Variants in SPATA12 observed in about 807,000 individuals in gnomAD.
The protein encoded by SPATA12 is spermatogenesis-associated protein 12.
For missense variants in SPATA12, 219 were observed against 226.4 expected, an observed-to-expected ratio of 0.97 and a Z score of 0.21; for synonymous variants, 85 against 89.2, an observed-to-expected ratio of 0.95 and a Z score of 0.26.
At chr3:57,067,783 C>A (rs1371878535) in intron 1 of SPATA12, among the ~76,000 whole-genome samples, 1 of 150,014 alleles carries the variant, frequency 6.7e-6, no homozygotes, top group East Asian at 2.0e-4. Flanking sequence ...AGATCGAGAC[C>A]ATTGGCTAAC....
chr3:57,066,335 C>A (rs1193599518), intron 1 of SPATA12, among the ~76,000 whole-genome samples: 1 of 151,834 alleles, frequency 6.6e-6, no homozygotes, highest in Non-Finnish European at 1.5e-5. Context: ...GATCTTGGCT[C>A]ACCGCAACCT....
chr3:57,068,761 C>G (rs1705705470), intron 1 of SPATA12, among the ~76,000 whole-genome samples: 1 of 152,092 alleles, frequency 6.6e-6, no homozygotes, highest in African/African-American at 2.4e-5. Context: ...AACGTGCTTC[C>G]TTGTTTTGGG....
chr3:57,068,487 T>G (rs2171504), intron 1 of SPATA12, among the ~76,000 whole-genome samples: 4,293 of 152,316 alleles, frequency 0.028, 79 homozygotes, highest in South Asian at 0.052. Flanking sequence ...GGCAATCATT[T>G]AAATAATTTC....
chr3:57,071,487 C>A (rs1489183335), intron 1 of SPATA12, among the ~76,000 whole-genome samples: 7 of 151,914 alleles, frequency 4.6e-5, no homozygotes, highest in African/African-American at 1.7e-4. Context: ...TGGTGAAACC[C>A]CGTCTCTACT....
intron 1 of SPATA12, among the ~76,000 whole-genome samples, chr3:57,062,621 G>A (rs1021014957): frequency 6.6e-6 from 1 of 152,176 alleles, no homozygotes; most frequent in African/African-American, 2.4e-5. Context: ...TAGCCACTCA[G>A]CAAAACACTA....
At chr3:57,072,232 T>C (rs189973394) in intron 1 of SPATA12, among the ~76,000 whole-genome samples, 1 of 152,250 alleles carries the variant, frequency 6.6e-6, no homozygotes, top group Non-Finnish European at 1.5e-5. Flanking sequence ...ATGTTAAGAG[T>C]TACCATATAC....
intron 1 of SPATA12, among the ~76,000 whole-genome samples, chr3:57,069,003 C>A (rs537498774): frequency 1.1e-4 from 16 of 151,304 alleles, no homozygotes; most frequent in African/African-American, 3.9e-4. Context: ...CTCACCGTAA[C>A]CTCTGCCTCC....
At chr3:57,068,168 T>TACACAAACACACACACACACACACAC (rs1553820868) in intron 1 of SPATA12, among the ~76,000 whole-genome samples, 2 of 149,094 alleles carry the variant, frequency 1.3e-5, no homozygotes, top group East Asian at 4.0e-4. Flanking sequence ...CACACACACA[T>TACACAAACACACACACACACACACAC]ACACACACAC....
chr3:57,068,919 A>T (rs996689225), intron 1 of SPATA12, among the ~76,000 whole-genome samples: 7 of 138,270 alleles, frequency 5.1e-5, no homozygotes, highest in African/African-American at 1.6e-4. Flanking sequence ...AAAAGATCTG[A>T]TTTTTTTTTT....
chr3:57,065,890 G>T (rs141523693), intron 1 of SPATA12, among the ~76,000 whole-genome samples: 1 of 152,126 alleles, frequency 6.6e-6, no homozygotes, highest in East Asian at 1.9e-4. Flanking sequence ...CTTTTACTTA[G>T]GCCCATGAAC....
At chr3:57,072,335 AG>A (rs1167411095) in intron 1 of SPATA12, among the ~76,000 whole-genome samples, 2 of 152,152 alleles carry the variant, frequency 1.3e-5, no homozygotes, top group Non-Finnish European at 2.9e-5. Flanking sequence ...TGGAAGAGCC[AG>A]GGCAGGTAAA....
At chr3:57,071,527 A>T (rs1163579144) in intron 1 of SPATA12, among the ~76,000 whole-genome samples, 1 of 151,742 alleles carries the variant, frequency 6.6e-6, no homozygotes, top group Non-Finnish European at 1.5e-5. Flanking sequence ...GGGTGTGATG[A>T]TGCACACCTG....
chr3:57,062,404 C>G (rs1431619960), intron 1 of SPATA12, among the ~76,000 whole-genome samples: 1 of 152,192 alleles, frequency 6.6e-6, no homozygotes, highest in African/African-American at 2.4e-5. Flanking sequence ...TAGGCCCAGC[C>G]AGGACCACAG....
rs560373179 is a variant in SPATA12, at chr3:57,069,072, A to C, written c.-329-4294A>C. ...CTAGTAACTGGGATTACAGGCACTC[A>C]CCACCACGTCTGGATAATTTTTGTA... On this transcript the variant is annotated intron_variant, in intron 1 of 1. Coordinates refer to ENST00000334325, the MANE Select transcript of SPATA12 (RefSeq NM_181727.2). Among the ~76,000 whole-genome samples the C allele has an allele frequency of 5.9e-5, 9 of 152,020 alleles. No individual in the cohort carries two copies. In the South Asian group the frequency reaches 1.5e-3, roughly 25 times the overall value.
chr3:57,069,583 G>A (rs1705768479), intron 1 of SPATA12, among the ~76,000 whole-genome samples: 1 of 152,190 alleles, frequency 6.6e-6, no homozygotes, highest in African/African-American at 2.4e-5. Flanking sequence ...ATAAAATCAT[G>A]TATTTGTGCT....
At chr3:57,062,940 A>G (rs983692894) in intron 1 of SPATA12, among the ~76,000 whole-genome samples, 4 of 152,218 alleles carry the variant, frequency 2.6e-5, no homozygotes, top group Non-Finnish European at 5.9e-5. Flanking sequence ...TGGAATTTAC[A>G]TTCTAGTGGG....
Position 57,073,867 on chromosome 3 carries a change from G to C in SPATA12, c.173G>C (p.Gly58Ala). The change falls in exon 2 of 2, where the codon GGT (glycine) becomes GCT (alanine). Residue 58 changes from glycine to alanine, a missense_variant. Gly to Ala is a moderately conservative substitution (Grantham distance 60, BLOSUM62 0). Coordinates refer to ENST00000334325, the MANE Select transcript of SPATA12 (RefSeq NM_181727.2). The stretch of plus-strand genomic sequence containing the variant: ...GCACTGGCATCATGCCAGGGTCCAG[G>C]TGTCCTGCCAGGAGCAGCCTCTGCC... ...HCALASCQGP[G>A]VLPGAASALP... The C allele has an allele frequency of 6.2e-7, 1 of 1,614,218 alleles. No individual in the cohort carries two copies. The highest frequency in any genetic ancestry group is 1.1e-5 in the South Asian group (1 of 91,092).
At chr3:57,071,816 T>C (rs1253680603) in intron 1 of SPATA12, among the ~76,000 whole-genome samples, 1 of 151,854 alleles carries the variant, frequency 6.6e-6, no homozygotes, top group African/African-American at 2.4e-5. Flanking sequence ...AAGAACACCA[T>C]CAAGAAAGTG....
At chr3:57,068,201 G>T (rs533191426) in intron 1 of SPATA12, among the ~76,000 whole-genome samples, 1 of 151,200 alleles carries the variant, frequency 6.6e-6, no homozygotes, top group South Asian at 2.1e-4. Flanking sequence ...CAGGTTACCA[G>T]GTTGCAGTCT....
Sources: allele counts gnomAD v4.1 joint callset (sites outside exome capture counted in the v4.1 genomes callset), GRCh38; gene constraint gnomAD v4.1.1; transcripts MANE v1.5; gene names NCBI Gene and HGNC (gene_info 2026-07-23, HGNC 2026-07-21).